The following OTC variants were observed in gnomAD, a reference collection of about 807,000 sequenced individuals.
OTC encodes ornithine transcarbamylase.
OTC carries 3 observed loss-of-function variants against 30.3 expected under a neutral mutation model. That is an observed-to-expected ratio of 0.10 (90% confidence interval 0.05 to 0.26). The LOEUF (loss-of-function observed/expected upper bound fraction) is 0.26, where lower values mean the gene tolerates loss of function less well. Ranked by LOEUF, OTC falls within the 10% of genes least tolerant of loss-of-function variation. The pLI, the probability that OTC is intolerant of heterozygous loss-of-function variation, is 1.00. For missense variants in OTC, 194 were observed against 260.3 expected (o/e 0.75, Z 1.75); for synonymous variants, 111 against 99.7 (o/e 1.11, Z -0.67).
the OTC span, among the ~76,000 whole-genome samples, chrX:38,339,884 T>C: frequency 4.5e-5 from 5 of 111,694 alleles, no homozygotes; most frequent in Admixed American, 3.8e-4. Context: ...ACATTTCTTA[T>C]CTATCTAATT....
At chrX:38,411,615 G>A (rs1021774113) in intron 8 of OTC, among the ~76,000 whole-genome samples, 9 of 108,685 alleles carry the variant, frequency 8.3e-5, no homozygotes, top group African/African-American at 3.0e-4. Context: ...GCAGTCAGCC[G>A]AGATTTTGCC....
At chrX:38,395,650 C>T (rs973177325) in intron 4 of OTC, 1 of 151,423 alleles carries the variant, frequency 6.6e-6, no homozygotes, top group Non-Finnish European at 1.4e-5. Context: ...CACAAAAGCA[C>T]CCCAGCGTGC....
rs151240392 is a variant in OTC at position 38,385,306 on chromosome X, A to T, written c.386+3877A>T. Among the ~76,000 whole-genome samples, 757 of 112,455 alleles carry T rather than the reference A, an allele frequency of 6.7e-3. 8 individuals carry two copies. The highest frequency in any genetic ancestry group is 0.023 in the African/African-American group (706 of 30,922). ...TAAAATAAAATGCTGATCAAGTCAA[A>T]CAAGTTTCTTGTTAGAGTGGAAATT... On this transcript the variant is annotated intron_variant, in intron 4 of 9. Coordinates refer to ENST00000039007, the MANE Select transcript of OTC (RefSeq NM_000531.6).
At chrX:38,392,310 T>C (rs4827097) in intron 4 of OTC, among the ~76,000 whole-genome samples, 19,826 of 111,312 alleles carry the variant, frequency 0.18, 1,561 homozygotes, top group Middle Eastern at 0.26. Context: ...TATATATTAA[T>C]AGAAATGAAA....
chrX:38,388,543 A>G (rs1047435313), intron 4 of OTC, among the ~76,000 whole-genome samples: 1 of 110,765 alleles, frequency 9.0e-6, no homozygotes, highest in African/African-American at 3.3e-5. Flanking sequence ...GATTTAAATC[A>G]TATGGAATTT....
chrX:38,402,847 C>T (rs2068496128), intron 5 of OTC, among the ~76,000 whole-genome samples: 1 of 111,033 alleles, frequency 9.0e-6, no homozygotes, highest in Non-Finnish European at 1.9e-5. Context: ...CAGAGTCTCA[C>T]TCTGTCACCC....
At chrX:38,406,928 A>G (rs2147344065) in intron 6 of OTC, among the ~76,000 whole-genome samples, 1 of 112,719 alleles carries the variant, frequency 8.9e-6, no homozygotes, top group South Asian at 3.7e-4. Context: ...ATGGTAGACA[A>G]TCATGTGCAA....
intron 3 of OTC, among the ~76,000 whole-genome samples, chrX:38,374,550 C>G (rs767277634): frequency 9.0e-6 from 1 of 111,377 alleles, no homozygotes; most frequent in South Asian, 3.8e-4. Context: ...GTCTTTGGCT[C>G]CTGCCTGTAC....
chrX:38,369,781 G>C lies in OTC; in HGVS notation c.217-15G>C. On this transcript the variant is annotated splice_polypyrimidine_tract_variant and intron_variant, in intron 2 of 9. Coordinates refer to ENST00000039007, the MANE Select transcript of OTC (RefSeq NM_000531.6). ...TAAGATATATTTTAATTCTATTCTT[G>C]TCCTTGATTTATAGTATTTGCCTTT... 9.7e-7 allele frequency: 1 copy of C among 1,026,844 alleles called. No individual in the cohort carries two copies. Among genetic ancestry groups the C allele is most frequent in the Non-Finnish European group, 1.4e-6 (1 of 730,668 alleles). The allele number at this position is 1,026,844 out of a possible 1,213,427, so 84.6% of individuals were successfully genotyped here.
chrX:38,387,075 C>G (rs908218595), intron 4 of OTC, among the ~76,000 whole-genome samples: 4 of 112,241 alleles, frequency 3.6e-5, no homozygotes, highest in African/African-American at 1.3e-4. Context: ...TTTCATATAC[C>G]TTTTAGCCAC....
At chrX:38,383,092 T>G (rs73196230) in intron 4 of OTC, among the ~76,000 whole-genome samples, 18,968 of 101,148 alleles carry the variant, frequency 0.19, 1,391 homozygotes, top group Middle Eastern at 0.25. Flanking sequence ...CTGCTTACAG[T>G]TTTTTTTTTT....
In OTC at chrX:38,418,849, C is replaced by G. The variant is rs182486605; in HGVS notation, c.1006-2174C>G. Among the ~76,000 whole-genome samples, 26 of 112,012 alleles carry G rather than the reference C, an allele frequency of 2.3e-4. 1 individual carries two copies. The highest frequency in any genetic ancestry group is 7.6e-4 in the Admixed American group (8 of 10,578). On this transcript the variant is annotated intron_variant, in intron 9 of 9. Transcript: ENST00000039007. ...CTCCCTAGCCATTGGAACTGTGAGT[C>G]CATTAAACCTCTTTTTCTTTATAAA...
At chrX:38,420,947 A>C in intron 9 of OTC, 76 bp from the exon 10 acceptor site, 16 of 693,525 alleles carry the variant, frequency 2.3e-5, no homozygotes, top group Non-Finnish European at 3.5e-5. Context: ...CTGAAACCTA[A>C]TTCACCTTCT....
the OTC span, among the ~76,000 whole-genome samples, chrX:38,331,451 TTTTGTTTG>T: frequency 1.3e-5 from 1 of 75,984 alleles, no homozygotes; most frequent in African/African-American, 4.5e-5. Flanking sequence ...TGTTTTTTTT[TTTTGTTTG>T]TTTTTTTAGA....
intron 4 of OTC, among the ~76,000 whole-genome samples, chrX:38,385,550 T>A (rs1308361049): frequency 9.0e-6 from 1 of 111,447 alleles, no homozygotes; most frequent in Non-Finnish European, 1.9e-5. Flanking sequence ...AGGAAGAGTG[T>A]CACAGAAAGA....
the OTC span, among the ~76,000 whole-genome samples, chrX:38,330,718 C>A: frequency 8.9e-5 from 10 of 111,981 alleles, no homozygotes; most frequent in East Asian, 2.8e-3. Flanking sequence ...CTCCAAAGAG[C>A]CCCCTAGCAA....
the OTC span, among the ~76,000 whole-genome samples, chrX:38,331,729 C>T: frequency 9.3e-6 from 1 of 107,872 alleles, no homozygotes; most frequent in Non-Finnish European, 1.9e-5. Flanking sequence ...ACCACAGGTA[C>T]ACACCACCAC....
intron 9 of OTC, among the ~76,000 whole-genome samples, chrX:38,414,736 G>A (rs1383021900): frequency 8.9e-6 from 1 of 112,120 alleles, no homozygotes; most frequent in Non-Finnish European, 1.9e-5. Flanking sequence ...TTTTGAGCCT[G>A]CCTATGGTGT....
At chrX:38,421,831 AT>A (rs1484445451), downstream of OTC, among the ~76,000 whole-genome samples, 2 of 111,476 alleles carry the variant, frequency 1.8e-5, no homozygotes, top group African/African-American at 6.5e-5. Flanking sequence ...GAATAATTTA[AT>A]TTTTTTCACA....
Sources: allele counts gnomAD v4.1 joint callset (sites outside exome capture counted in the v4.1 genomes callset), GRCh38; gene constraint gnomAD v4.1.1; transcripts MANE v1.5; gene names NCBI Gene and HGNC (gene_info 2026-07-23, HGNC 2026-07-21).